LTBP1: variants seen among roughly 807,000 people sequenced by gnomAD.
The protein encoded by LTBP1 is latent-transforming growth factor beta-binding protein 1.
A neutral mutation model predicts 207.6 loss-of-function variants in LTBP1; 129 were observed. The ratio of observed to expected loss-of-function variants is 0.62; its 90% CI spans 0.54 to 0.72. The LOEUF is 0.72. LTBP1 is among the 30% of genes least tolerant of loss of function. The probability of loss-of-function intolerance (pLI) is 0.00; values close to 1 mark genes in which losing one functional copy is unlikely to be tolerated. For missense variants in LTBP1, 2,281 were observed against 2,217.2 expected (o/e 1.03, Z -0.58); for synonymous variants, 963 against 833.7 (o/e 1.16, Z -2.67).
chr2:32,976,945 C>T (rs1681887344), intron 2 of LTBP1, among the ~76,000 whole-genome samples: 1 of 152,302 alleles, frequency 6.6e-6, no homozygotes, highest in Non-Finnish European at 1.5e-5. Flanking sequence ...TGGGGTTGTG[C>T]CTGCCTGCAG....
chr2:33,279,400 A>C (rs999042789), intron 18 of LTBP1, among the ~76,000 whole-genome samples: 2 of 152,204 alleles, frequency 1.3e-5, no homozygotes, highest in African/African-American at 4.8e-5. Context: ...TCAGTTAGCT[A>C]TGAATATGAA....
chr2:32,977,856 A>G (rs1170800508), intron 2 of LTBP1, among the ~76,000 whole-genome samples: 1 of 152,142 alleles, frequency 6.6e-6, no homozygotes, highest in Non-Finnish European at 1.5e-5. Flanking sequence ...ATCAGCTTGT[A>G]GGATCAGTGT....
chr2:33,060,651 C>CTGTGTG (rs10693285), intron 3 of LTBP1, among the ~76,000 whole-genome samples: 8,758 of 146,632 alleles, frequency 0.06, 366 homozygotes, highest in South Asian at 0.099. Context: ...AAATTCAGAT[C>CTGTGTG]TGTGTGTGTG....
chr2:33,099,025 G>A (rs1358833997), intron 3 of LTBP1, among the ~76,000 whole-genome samples: 1 of 152,096 alleles, frequency 6.6e-6, no homozygotes, highest in Non-Finnish European at 1.5e-5. Flanking sequence ...ATATAATTTT[G>A]TACTTGTGCT....
At chr2:32,977,553 A>G (rs1013163561) in intron 2 of LTBP1, among the ~76,000 whole-genome samples, 2 of 152,184 alleles carry the variant, frequency 1.3e-5, no homozygotes, top group African/African-American at 4.8e-5. Flanking sequence ...AGGCTTGTAT[A>G]GGTGTCCTTG....
At chr2:33,345,815 G>T (rs980385623) in intron 25 of LTBP1, among the ~76,000 whole-genome samples, 3 of 152,010 alleles carry the variant, frequency 2.0e-5, no homozygotes, top group Non-Finnish European at 4.4e-5. Context: ...CCATCTCAAA[G>T]TATGCTCATG....
chr2:33,385,006 G>A (rs17012922), intron 31 of LTBP1, among the ~76,000 whole-genome samples: 58,254 of 152,032 alleles, frequency 0.38, 13,599 homozygotes, highest in African/African-American at 0.67. Flanking sequence ...ATTCTCTTCT[G>A]TTAACTTATT....
At chr2:33,018,111 TCTTTA>T (rs1688641256) in intron 2 of LTBP1, among the ~76,000 whole-genome samples, 1 of 152,180 alleles carries the variant, frequency 6.6e-6, no homozygotes, top group Non-Finnish European at 1.5e-5. Context: ...TATAACACGT[TCTTTA>T]CTTTTCTTCC....
chr2:33,110,466 C>G, intron 3 of LTBP1, 116 bp from the exon 4 acceptor site: 1 of 904,160 alleles, frequency 1.1e-6, no homozygotes, highest in Non-Finnish European at 1.7e-6. Context: ...AAAAAATGAG[C>G]CTTGCTTGGA....
intron 24 of LTBP1, among the ~76,000 whole-genome samples, chr2:33,338,515 T>A (rs2094578432): frequency 6.6e-6 from 1 of 152,146 alleles, no homozygotes; most frequent in South Asian, 2.1e-4. Flanking sequence ...CTGATGAGGT[T>A]AAGTTAAAGG....
chr2:33,094,727 G>A (rs2079299789), intron 3 of LTBP1, among the ~76,000 whole-genome samples: 3 of 152,302 alleles, frequency 2.0e-5, no homozygotes, highest in South Asian at 2.1e-4. Context: ...CCAGTTGCCA[G>A]AGATGTGATG....
chr2:33,155,605 C>G (rs188035250), intron 5 of LTBP1, among the ~76,000 whole-genome samples: 4 of 152,066 alleles, frequency 2.6e-5, no homozygotes, highest in South Asian at 2.1e-4. Flanking sequence ...AGCAACCCCC[C>G]ATCTCACCAC....
At chr2:33,353,381 G>A (rs1220988750) in intron 26 of LTBP1, among the ~76,000 whole-genome samples, 1 of 152,144 alleles carries the variant, frequency 6.6e-6, no homozygotes, top group Admixed American at 6.5e-5. Context: ...TGGAATTACA[G>A]GATTCTGCCT....
chr2:32,972,566 G>A (rs1358471760), intron 2 of LTBP1, among the ~76,000 whole-genome samples: 1 of 152,034 alleles, frequency 6.6e-6, no homozygotes, highest in Admixed American at 6.6e-5. Context: ...TAATTTTTAT[G>A]TAGTTGTATG....
At chr2:33,267,850 C>T (rs914209251) in intron 15 of LTBP1, among the ~76,000 whole-genome samples, 1 of 152,124 alleles carries the variant, frequency 6.6e-6, no homozygotes, top group African/African-American at 2.4e-5. Flanking sequence ...AACTGAACTG[C>T]AGAGCTGGTT....
chr2:33,175,689 G>A (rs189225235), intron 5 of LTBP1, among the ~76,000 whole-genome samples: 17 of 152,130 alleles, frequency 1.1e-4, no homozygotes, highest in Non-Finnish European at 1.6e-4. Flanking sequence ...ATGCTGCTAT[G>A]AAGACACATG....
intron 9 of LTBP1, among the ~76,000 whole-genome samples, chr2:33,225,868 A>C (rs753384397): frequency 1.3e-5 from 2 of 152,152 alleles, no homozygotes; most frequent in African/African-American, 4.8e-5. Context: ...TTCACTTAAC[A>C]TAATGTCCTC....
intron 22 of LTBP1, among the ~76,000 whole-genome samples, chr2:33,305,731 A>G (rs1169297158): frequency 6.6e-6 from 1 of 152,194 alleles, no homozygotes; most frequent in Admixed American, 6.5e-5. Context: ...GCCCTCCAAC[A>G]TTTAGAAGTG....
intron 30 of LTBP1, 48 bp from the exon 31 acceptor site, chr2:33,365,285 A>T (rs1574029577): frequency 3.2e-6 from 5 of 1,548,670 alleles, no homozygotes; most frequent in East Asian, 2.2e-5. Flanking sequence ...AGTGTTTATA[A>T]ATAGGAATAA....
Sources: gnomAD v4.1 joint callset for allele counts (sites outside exome capture counted in the v4.1 genomes callset) on GRCh38, gnomAD v4.1.1 for gene constraint, MANE v1.5 for transcripts, NCBI Gene and HGNC (gene_info 2026-07-23, HGNC 2026-07-21) for gene names.